Variants in HIVEP3 observed in about 807,000 individuals in gnomAD.
HIVEP3 encodes HIVEP zinc finger 3.
A neutral mutation model predicts 152.8 loss-of-function variants in HIVEP3; 49 were observed. The observed-to-expected ratio is 0.32, with a 90% confidence interval of 0.26 to 0.41. HIVEP3 has a LOEUF of 0.41. Ranked by LOEUF, HIVEP3 falls within the 10% of genes least tolerant of loss-of-function variation. The pLI is 1.00. For synonymous variants in HIVEP3, 1,269 were observed against 1,289.0 expected (o/e 0.98, Z 0.33); for missense variants, 2,790 against 3,103.3 (o/e 0.90, Z 2.40).
intron 3 of HIVEP3, among the ~76,000 whole-genome samples, chr1:41,607,936 C>T (rs1644844729): frequency 6.6e-6 from 1 of 152,096 alleles, no homozygotes. Context: ...TCAGTGGGAA[C>T]GATAAAGGGG....
At chr1:42,010,882 G>T (rs1037548536) in intron 1 of HIVEP3, among the ~76,000 whole-genome samples, 2 of 151,778 alleles carry the variant, frequency 1.3e-5, no homozygotes, top group African/African-American at 4.8e-5. Flanking sequence ...CACCTCCAAG[G>T]CTCAGCCCAG....
At chr1:41,894,246 C>T (rs186253073) in intron 1 of HIVEP3, among the ~76,000 whole-genome samples, 1 of 152,146 alleles carries the variant, frequency 6.6e-6, no homozygotes, top group African/African-American at 2.4e-5. Context: ...ACCTGACCTC[C>T]CCACTTTACA....
Position 42,006,866 on chromosome 1 carries a change from G to A in HIVEP3, n.119+28941C>T, listed in dbSNP as rs183846826. ...CCTAGATCACAATTTGAGAATGACC[G>A]TACTAGCCAAATGTTATCGACTTAT... On this transcript the variant is annotated intron_variant and non_coding_transcript_variant, in intron 1 of 3. Transcript: ENST00000489103. 3.3e-5 allele frequency among the ~76,000 whole-genome samples: 5 copies of A among 152,302 alleles called. No individual in the cohort carries two copies. The South Asian group carries it at 6.2e-4, about 19-fold the overall frequency.
intron 1 of HIVEP3, among the ~76,000 whole-genome samples, chr1:41,752,046 T>A (rs115582379): frequency 1.3e-5 from 2 of 152,194 alleles, no homozygotes; most frequent in Non-Finnish European, 2.9e-5. Flanking sequence ...GTCTTACCTA[T>A]GTCATCACTC....
intron 5 of HIVEP3, among the ~76,000 whole-genome samples, chr1:41,529,497 AC>A (rs1303443407): frequency 1.2e-4 from 9 of 72,780 alleles, no homozygotes; most frequent in Non-Finnish European, 1.9e-4. Flanking sequence ...CATACTCCAC[AC>A]CCCATCCTCA....
chr1:41,806,986 G>A (rs1216014247), intron 1 of HIVEP3, among the ~76,000 whole-genome samples: 1 of 150,180 alleles, frequency 6.7e-6, no homozygotes, highest in East Asian at 1.9e-4. Context: ...CGAGTAAGCA[G>A]TGGGGGCCAC....
intron 2 of HIVEP3, among the ~76,000 whole-genome samples, chr1:41,640,400 C>T (rs1055440518): frequency 1.3e-5 from 2 of 152,152 alleles, no homozygotes; most frequent in Admixed American, 1.3e-4. Flanking sequence ...CACAGGGGAG[C>T]AGAGAAGACA....
chr1:41,909,701 C>T (rs1458173349), intron 1 of HIVEP3, among the ~76,000 whole-genome samples: 2 of 152,086 alleles, frequency 1.3e-5, no homozygotes, highest in Non-Finnish European at 2.9e-5. Context: ...TGACCACATA[C>T]CAAGCCTTAC....
chr1:41,912,952 T>G (rs114627275), intron 1 of HIVEP3, among the ~76,000 whole-genome samples: 283 of 152,328 alleles, frequency 1.9e-3, no homozygotes, highest in Middle Eastern at 6.8e-3. Flanking sequence ...CAACCCCTAA[T>G]AGCCACACCA....
Position 41,510,449 on chromosome 1 carries a change from G to A in HIVEP3, c.*2C>T. ...CCAGATGCTGAAGCAGTTGGAGAGA[G>A]GCTAAGCGTTGGGGGGAACCCTGTC... On this transcript the variant is annotated 3_prime_UTR_variant, in exon 9 of 9. Transcript: ENST00000372583. 9.4e-6 allele frequency: 14 copies of A among 1,485,342 alleles called. No homozygotes were observed. Among genetic ancestry groups the A allele is most frequent in the Non-Finnish European group, 1.3e-5 (14 of 1,116,188 alleles). 92.0% of individuals were successfully genotyped at this position (1,485,342 alleles called of 1,614,324 possible). A position where few individuals can be genotyped will look rare whatever the true frequency, so the allele number is the denominator to read the frequency against.
At chr1:41,525,600 C>A (rs1220918015) in intron 5 of HIVEP3, among the ~76,000 whole-genome samples, 23 of 152,324 alleles carry the variant, frequency 1.5e-4, no homozygotes, top group Non-Finnish European at 1.5e-5. Context: ...CCTGAGCTCT[C>A]CCCCTCACCT....
intron 1 of HIVEP3, among the ~76,000 whole-genome samples, chr1:41,778,677 C>G (rs1036536065): frequency 1.3e-5 from 2 of 152,128 alleles, no homozygotes; most frequent in African/African-American, 4.8e-5. Context: ...CAGGTACTGT[C>G]CTGGTGGCTG....
chr1:41,522,287 C>T (rs1642779718), intron 6 of HIVEP3, among the ~76,000 whole-genome samples: 1 of 152,274 alleles, frequency 6.6e-6, no homozygotes, highest in South Asian at 2.1e-4. Context: ...CACCCCCATA[C>T]TGCAGAGAGA....
chr1:41,638,243 A>G (rs1027824531), intron 2 of HIVEP3, among the ~76,000 whole-genome samples: 4 of 133,086 alleles, frequency 3.0e-5, no homozygotes, highest in African/African-American at 1.2e-4. Flanking sequence ...AGACAGAGAA[A>G]TAAAGAAAGA....
intron 1 of HIVEP3, among the ~76,000 whole-genome samples, chr1:41,852,129 C>T (rs1643621065): frequency 6.6e-6 from 1 of 152,258 alleles, no homozygotes; most frequent in African/African-American, 2.4e-5. Context: ...AATTTCTCGG[C>T]ATGCATCTCC....
At chr1:41,853,895 T>C (rs1258799312) in intron 1 of HIVEP3, among the ~76,000 whole-genome samples, 1 of 152,074 alleles carries the variant, frequency 6.6e-6, no homozygotes, top group African/African-American at 2.4e-5. Flanking sequence ...TAGAGAAGCC[T>C]GTCTGTAAAT....
In HIVEP3 at chr1:41,873,184, C is replaced by T. The variant is rs1427719673; in HGVS notation, c.-801+45229G>A. Among the ~76,000 whole-genome samples the T allele has an allele frequency of 1.3e-5, 2 of 152,204 alleles. No homozygotes were observed. Among genetic ancestry groups the T allele is most frequent in the Non-Finnish European group, 2.9e-5 (2 of 68,036 alleles). ...CCTCCCCTGGTGTTTACTTCACCCA[C>T]AGGAAAATGGCCACCTTCACCCCAC... On this transcript the variant is annotated intron_variant, in intron 1 of 8. Transcript: ENST00000372583. This position sits in a 1 kb window ranked among gnomAD's most constrained non-coding sequence, Gnocchi z 4.2.
chr1:41,519,188 C>A (rs1642691674), intron 6 of HIVEP3, among the ~76,000 whole-genome samples: 1 of 152,202 alleles, frequency 6.6e-6, no homozygotes, highest in African/African-American at 2.4e-5. Flanking sequence ...ATCTACAGTG[C>A]AGACACAGGA....
At chr1:41,632,869 C>T (rs1458693288) in intron 2 of HIVEP3, among the ~76,000 whole-genome samples, 3 of 152,066 alleles carry the variant, frequency 2.0e-5, no homozygotes, top group South Asian at 2.1e-4. Flanking sequence ...TGAGGGGCAG[C>T]GACAGTGGGA....
Sources: allele counts gnomAD v4.1 joint callset (sites outside exome capture counted in the v4.1 genomes callset), GRCh38; gene constraint gnomAD v4.1.1; non-coding constraint Gnocchi (gnomAD v3.1); transcripts MANE v1.5; gene names NCBI Gene and HGNC (gene_info 2026-07-23, HGNC 2026-07-21).